CACNA1B: variants seen among roughly 807,000 people sequenced by gnomAD.
CACNA1B encodes the protein calcium voltage-gated channel subunit alpha1 B.
A neutral mutation model predicts 247.2 loss-of-function variants in CACNA1B; 70 were observed. That is an observed-to-expected ratio of 0.28 (90% CI 0.23 to 0.35). The LOEUF is 0.35. Ranked by LOEUF, CACNA1B falls within the 10% of genes least tolerant of loss-of-function variation. CACNA1B has a pLI of 1.00. For missense variants in CACNA1B, 2,367 were observed against 3,197.4 expected, an observed-to-expected ratio of 0.74 and a Z score of 6.26; for synonymous variants, 1,231 against 1,294.4, an observed-to-expected ratio of 0.95 and a Z score of 1.05.
At chr9:138,098,688 G>T (rs1202580389) in intron 37 of CACNA1B, among the ~76,000 whole-genome samples, 2 of 152,170 alleles carry the variant, frequency 1.3e-5, no homozygotes, top group Non-Finnish European at 1.5e-5. Context: ...GAGTCTCAGA[G>T]CAGGGGTCCT....
chr9:138,047,328 C>T (rs993256816), intron 22 of CACNA1B, 71 bp from the exon 23 acceptor site: 8 of 1,186,194 alleles, frequency 6.7e-6, no homozygotes, highest in East Asian at 4.7e-5. Flanking sequence ...AGGAAAAACT[C>T]GGAGCCACCG....
At chr9:138,064,262 A>C (rs1357737832) in intron 31 of CACNA1B, among the ~76,000 whole-genome samples, 2 of 152,018 alleles carry the variant, frequency 1.3e-5, no homozygotes, top group Non-Finnish European at 2.9e-5. Context: ...TGCTGTCTGG[A>C]TCCAGTGTGC....
Position 137,917,193 on chromosome 9 carries a change from A to G in CACNA1B, c.776-48A>G. On this transcript the variant is annotated intron_variant, in intron 5 of 46. Coordinates refer to ENST00000371372, the MANE Select transcript of CACNA1B (RefSeq NM_000718.4). This position sits in a 1 kb window ranked among gnomAD's most constrained non-coding sequence, Gnocchi z 5.5. The stretch of plus-strand genomic sequence containing the variant: ...CCAGGAATCCTGGTGGGGATTGGAG[A>G]GCTTGGTATTTCTGAGCTCAGGGTC... 6.5e-7 allele frequency: 1 copy of G among 1,543,548 alleles called. No homozygotes were observed. The highest frequency in any genetic ancestry group is 8.8e-7 in the Non-Finnish European group (1 of 1,133,560).
intron 21 of CACNA1B, 110 bp from the exon 22 acceptor site, chr9:138,046,794 T>G: frequency 9.6e-7 from 1 of 1,045,826 alleles, no homozygotes; most frequent in Non-Finnish European, 1.4e-6. Flanking sequence ...GGCCACAGCT[T>G]CCTGAGGCAG....
At position 138,058,989 on chromosome 9, in the gene CACNA1B, G is replaced by A. The variant is rs894972643; in HGVS notation, c.4474-90G>A. The A allele has an allele frequency of 3.7e-6, 3 of 818,986 alleles. No individual in the cohort carries two copies. The highest frequency in any genetic ancestry group is 4.1e-5 in the Admixed American group (2 of 49,352). 50.7% of individuals were successfully genotyped at this position (818,986 alleles called of 1,614,324 possible). A position where few individuals can be genotyped will look rare whatever the true frequency, so the allele number is the denominator to read the frequency against. ...CAGGCCTAGGCAGGCATCGAGTTCT[G>A]TCTGCCCGCTTTGCTTGGTCATAGT... On this transcript the variant is annotated intron_variant, in intron 29 of 46. Transcript: ENST00000371372. The surrounding 1 kb of genome is among the most constrained non-coding windows in gnomAD (Gnocchi z 4.7).
rs1958664985 is a variant in CACNA1B at position 138,007,292 on chromosome 9, A to G, written c.2092+408A>G. ...CCTGCTGATACCATCCCCTTTGCAG[A>G]GAAATGTAAGGAAAGGTTTTCTGTG... On this transcript the variant is annotated intron_variant, in intron 16 of 46. Coordinates refer to ENST00000371372, the MANE Select transcript of CACNA1B (RefSeq NM_000718.4). The surrounding 1 kb of genome is among the most constrained non-coding windows in gnomAD (Gnocchi z 4.1). Among the ~76,000 whole-genome samples the G allele has an allele frequency of 6.6e-6, 1 of 152,056 alleles. No homozygotes were observed. Among genetic ancestry groups the G allele is most frequent in the South Asian group, 2.1e-4 (1 of 4,836 alleles).
rs1957455669 is a variant in CACNA1B, at chr9:137,919,715, C to T, written c.966+2284C>T. 6.6e-6 allele frequency among the ~76,000 whole-genome samples: 1 copy of T among 152,178 alleles called. No homozygotes were observed. Among genetic ancestry groups the T allele is most frequent in the Admixed American group, 6.5e-5 (1 of 15,278 alleles). On this transcript the variant is annotated intron_variant, in intron 6 of 46. Transcript: ENST00000371372. This position sits in a 1 kb window ranked among gnomAD's most constrained non-coding sequence, Gnocchi z 4.6. ...CCACGGCCTGCAGTAGGGGTGGAGG[C>T]AGAGAGATGGAAAGCTCAGTCCGTG...
chr9:137,972,874 A>G (rs1320668022), intron 11 of CACNA1B, among the ~76,000 whole-genome samples: 1 of 152,148 alleles, frequency 6.6e-6, no homozygotes, highest in African/African-American at 2.4e-5. Context: ...GCTTGTGTAC[A>G]TGGAACTGCC....
intron 3 of CACNA1B, chr9:137,890,364 A>C (rs1957080957): frequency 6.7e-6 from 1 of 149,114 alleles, no homozygotes; most frequent in Non-Finnish European, 1.5e-5. Flanking sequence ...GGAGATAAGG[A>C]AGGGAGGTTT....
At chr9:138,099,600 A>ACGTGCCTGTGGTGTACT (rs1314851242) in intron 37 of CACNA1B, among the ~76,000 whole-genome samples, 1 of 143,032 alleles carries the variant, frequency 7.0e-6, no homozygotes, top group Non-Finnish European at 1.5e-5. Flanking sequence ...GTGGGTGTGC[A>ACGTGCCTGTGGTGTACT]CGTGCCTGTG....
intron 3 of CACNA1B, among the ~76,000 whole-genome samples, chr9:137,902,181 G>A (rs1957247697): frequency 6.6e-6 from 1 of 152,066 alleles, no homozygotes; most frequent in African/African-American, 2.4e-5. Context: ...TTGTCTCTGG[G>A]GTTCTTTGCC....
chr9:137,981,991 T>G (rs1440778801), intron 12 of CACNA1B, among the ~76,000 whole-genome samples: 1 of 152,218 alleles, frequency 6.6e-6, no homozygotes, highest in East Asian at 1.9e-4. Context: ...CATCCTCTGG[T>G]TCCAAAACCA....
At chr9:137,897,692 G>C (rs1194922602) in intron 3 of CACNA1B, among the ~76,000 whole-genome samples, 1 of 151,920 alleles carries the variant, frequency 6.6e-6, no homozygotes, top group Non-Finnish European at 1.5e-5. Flanking sequence ...ATTTTATTTT[G>C]TGTTTTTATC....
At position 138,101,663 on chromosome 9, in the gene CACNA1B, C is replaced by T. The variant is rs1373727987; in HGVS notation, c.5223-1048C>T. On this transcript the variant is annotated intron_variant, in intron 37 of 46. Coordinates refer to ENST00000371372, the MANE Select transcript of CACNA1B (RefSeq NM_000718.4). ...TCCCTGGGGGAGGAAAGGGCAGAGG[C>T]AGAGTGGGGGCCAAAGACAAGCCGT... Among the ~76,000 whole-genome samples, 6 of 152,334 alleles carry T rather than the reference C, an allele frequency of 3.9e-5. No individual in the cohort carries two copies. In the East Asian group the frequency reaches 9.7e-4, roughly 25 times the overall value.
Position 138,073,722 on chromosome 9 carries a change from C to T in CACNA1B, c.4791+118C>T. ...GGGAGAGGGTATGGCATGCAGGTTTCGTGGTTGTATGCATTGTCCTGTTGT... is the reference window on the plus strand; with the variant it reads ...GGGAGAGGGTATGGCATGCAGGTTTTGTGGTTGTATGCATTGTCCTGTTGT... On this transcript the variant is annotated intron_variant, in intron 33 of 46. Transcript: ENST00000371372. The surrounding 1 kb of genome is among the most constrained non-coding windows in gnomAD (Gnocchi z 6.4). 4.3e-6 allele frequency: 3 copies of T among 701,024 alleles called. No homozygotes were observed. Among genetic ancestry groups the T allele is most frequent in the Non-Finnish European group, 5.1e-6 (2 of 392,208 alleles). The allele number at this position is 701,024 out of a possible 1,614,324, so 43.4% of individuals were successfully genotyped here. A position where few individuals can be genotyped will look rare whatever the true frequency, so the allele number is the denominator to read the frequency against.
chr9:137,980,665 T>A (rs951131358), intron 12 of CACNA1B, among the ~76,000 whole-genome samples: 1 of 152,126 alleles, frequency 6.6e-6, no homozygotes, highest in African/African-American at 2.4e-5. Flanking sequence ...CCCTTCCCCC[T>A]CCCTCCTCCC....
chr9:137,972,792 G>A (rs190022135), intron 11 of CACNA1B, among the ~76,000 whole-genome samples: 10 of 152,308 alleles, frequency 6.6e-5, no homozygotes, highest in East Asian at 1.9e-4. Flanking sequence ...GAGATGGTGC[G>A]GAGGGGCAGA....
chr9:138,031,862 T>G (rs1958991530), intron 20 of CACNA1B, among the ~76,000 whole-genome samples: 1 of 152,186 alleles, frequency 6.6e-6, no homozygotes, highest in Non-Finnish European at 1.5e-5. Context: ...ATATATTTTT[T>G]CAACCTTTTG....
intron 3 of CACNA1B, among the ~76,000 whole-genome samples, chr9:137,911,824 C>T (rs1957363141): frequency 6.6e-6 from 1 of 152,158 alleles, no homozygotes; most frequent in African/African-American, 2.4e-5. Flanking sequence ...ACCCTGGATG[C>T]GCGTTAGAGG....
Sources: allele counts gnomAD v4.1 joint callset (sites outside exome capture counted in the v4.1 genomes callset), GRCh38; gene constraint gnomAD v4.1.1; non-coding constraint Gnocchi (gnomAD v3.1); transcripts MANE v1.5; gene names NCBI Gene and HGNC (gene_info 2026-07-23, HGNC 2026-07-21).